Variants in FSCB observed in about 807,000 individuals in gnomAD.
The protein encoded by FSCB is fibrous sheath CABYR-binding protein.
For synonymous variants in FSCB, 331 were observed against 336.6 expected (o/e 0.98, Z 0.18); for missense variants, 975 against 934.8 (o/e 1.04, Z -0.56).
rs767430118 is a variant in FSCB, at chr14:44,506,744, T to C, written c.244A>G (p.Lys82Glu). ...SLQTDTIVEE[K>E]KEVKLVEETV... ...TCCTCAACTAACTTGACTTCTTTTT[T>C]CTCTTCTACAATGGTGTCTGTCTGG... Residue 82 changes from lysine to glutamate, a missense_variant, in exon 1 of 1, where the codon AAA (lysine) becomes GAA (glutamate). By Grantham distance (56) the Lys-to-Glu change is moderately conservative. Transcript: ENST00000340446. The C allele has an allele frequency of 8.7e-6, 14 of 1,614,174 alleles. No individual in the cohort carries two copies. In the South Asian group the frequency reaches 1.5e-4, roughly 18 times the overall value.
rs1192153217 is a variant in FSCB, at chr14:44,506,286, A to G, written c.702T>C (p.Leu234=). 4.3e-6 allele frequency: 7 copies of G among 1,614,120 alleles called. No homozygotes were observed. Among genetic ancestry groups the G allele is most frequent in the Non-Finnish European group, 5.9e-6 (7 of 1,179,984 alleles). ...KGPPVLLEDE[L]REEVTVPVVQ... is the part of the protein sequence containing the mutation. The stretch of plus-strand genomic sequence containing the variant: ...CAACAGGTACAGTTACTTCTTCCCT[A>G]AGCTCATCTTCTAAAAGTACCGGGG... Residue 234 remains leucine, a synonymous_variant, in exon 1 of 1, where the codon CTT becomes CTC. Transcript: ENST00000340446.
chr14:44,505,776 G>T lies in FSCB; in HGVS notation c.1212C>A (p.Ala404=). 4 of 1,613,834 alleles carry T rather than the reference G, an allele frequency of 2.5e-6. No individual in the cohort carries two copies. The highest frequency in any genetic ancestry group is 3.4e-6 in the Non-Finnish European group (4 of 1,179,950). ...IEVQPLPAEG[A]LEEAPAKVEP... Reference sequence around the variant, plus strand: ...CTACTTTAGCTGGGGCCTCTTCAAGGGCGCCCTCAGCTGGTAAAGGCTGTA... The same window carrying T: ...CTACTTTAGCTGGGGCCTCTTCAAGTGCGCCCTCAGCTGGTAAAGGCTGTA... The change falls in exon 1 of 1, where the codon GCC becomes GCA. Residue 404 remains alanine (A), a synonymous_variant. Coordinates refer to ENST00000340446, the MANE Select transcript of FSCB (RefSeq NM_032135.4).
In FSCB at chr14:44,506,480, G is replaced by C; in HGVS notation, c.508C>G (p.Pro170Ala). ...TTTGACTTTGTAGAAGAACTATCTG[G>C]CCTGGAAATAACCACTATTTCTGAT... is the stretch of plus-strand genomic sequence containing the variant. ...SESEIVVISR[P>A]DSSSTKSKED... Residue 170 changes from proline (P) to alanine (A), a missense_variant, in exon 1 of 1, where the codon CCA becomes GCA. Pro to Ala is a conservative substitution (Grantham distance 27). Coordinates refer to ENST00000340446, the MANE Select transcript of FSCB (RefSeq NM_032135.4). 6.2e-7 allele frequency: 1 copy of C among 1,614,132 alleles called. No homozygotes were observed. Among genetic ancestry groups the C allele is most frequent in the Non-Finnish European group, 8.5e-7 (1 of 1,180,030 alleles).
In FSCB at chr14:44,504,603, T is replaced by C; in HGVS notation, c.2385A>G (p.Lys795=). 6.2e-7 allele frequency: 1 copy of C among 1,614,196 alleles called. No individual in the cohort carries two copies. Among genetic ancestry groups the C allele is most frequent in the Non-Finnish European group, 8.5e-7 (1 of 1,180,004 alleles). ...GTCCATCATTGGTATTAGACAAATC[T>C]TTAAGGACAGAATTGATTTTTGAAA... The part of the protein sequence containing the change: ...EEVSKINSVL[K]DLSNTNDGQA... The change falls in exon 1 of 1, where the codon AAA becomes AAG. Residue 795 remains lysine (K), a synonymous_variant. Transcript: ENST00000340446.
rs1881075633 is a variant in FSCB, at chr14:44,506,111, C to G, written c.877G>C (p.Val293Leu). ...GGAGTCTCTTCAGTTGATGGCTGTA[C>G]TTGGACATGGGTCTCTTCAGCAGGT... ...PRPAEETHVQVQPSTEETPDA... is the reference protein window; with the variant it reads ...PRPAEETHVQLQPSTEETPDA... The change falls in exon 1 of 1, where the codon GTA (valine) becomes CTA (leucine). Residue 293 changes from valine to leucine, a missense_variant. Val to Leu is a conservative substitution (Grantham distance 32). Transcript: ENST00000340446. The G allele has an allele frequency of 6.2e-7, 1 of 1,614,150 alleles. No individual in the cohort carries two copies. Among genetic ancestry groups the G allele is most frequent in the South Asian group, 1.1e-5 (1 of 91,076 alleles).
In FSCB at chr14:44,504,949, G is replaced by A; in HGVS notation, c.2039C>T (p.Ala680Val). ...CTCAGCTGGTAGAGACTGAACTTCA[G>A]CAGGGGCCTCCTCAGCTGGTGGAGG... ...VQPPPAEEAP[A>V]EVQSLPAEET... is the part of the protein sequence containing the mutation. The change falls in exon 1 of 1, where the codon GCT becomes GTT. Residue 680 changes from alanine (A) to valine (V), a missense_variant. Transcript: ENST00000340446. The A allele has an allele frequency of 1.9e-6, 3 of 1,608,872 alleles. No individual in the cohort carries two copies. The highest frequency in any genetic ancestry group is 2.5e-6 in the Non-Finnish European group (3 of 1,179,862).
rs1188425619 is a variant in FSCB at position 44,505,099 on chromosome 14, G to C, written c.1889C>G (p.Ala630Gly). ...AEVQPPPAEE[A>G]PAEVQPPPAE... ...TGGTGGAGGCTGAACTTCAGCGGGG[G>C]CCTCCTCAGCTGGTGGAGGCTGAAC... Residue 630 changes from alanine to glycine, a missense_variant, in exon 1 of 1, where the codon GCC (alanine) becomes GGC (glycine). Coordinates refer to ENST00000340446, the MANE Select transcript of FSCB (RefSeq NM_032135.4). 1.6e-6 allele frequency: 1 copy of C among 628,544 alleles called. No homozygotes were observed. Among genetic ancestry groups the C allele is most frequent in the African/African-American group, 1.9e-5 (1 of 52,446 alleles). The allele number at this position is 628,544 out of a possible 1,614,324, so 38.9% of individuals were successfully genotyped here. A position where few individuals can be genotyped will look rare whatever the true frequency, so the allele number is the denominator to read the frequency against.
rs757975469 is a variant in FSCB at position 44,504,536 on chromosome 14, A to T, written c.2452T>A (p.Leu818Ile). 5.6e-6 allele frequency: 9 copies of T among 1,611,746 alleles called. No individual in the cohort carries two copies. The highest frequency in any genetic ancestry group is 5.9e-6 in the Non-Finnish European group (7 of 1,178,908). ...LEIESVFHIE[L>I]KQRPPEL ...TACAGTTCAGGAGGACGTTGTTTTA[A>T]TTCTATATGAAAAACACTTTCTATT... The change falls in exon 1 of 1, where the codon TTA (leucine) becomes ATA (isoleucine). Residue 818 changes from leucine to isoleucine, a missense_variant. Transcript: ENST00000340446.
At position 44,505,501 on chromosome 14, in the gene FSCB, G is replaced by T; in HGVS notation, c.1487C>A (p.Ser496Tyr). 1.9e-6 allele frequency: 3 copies of T among 1,612,308 alleles called. No individual in the cohort carries two copies. Among genetic ancestry groups the T allele is most frequent in the Non-Finnish European group, 2.5e-6 (3 of 1,179,982 alleles). ...AGCCTCTTCTGCAGAAGTCTCCTCAGATAGTGGAGACCGAGCTTCGGCAGG... is the reference window on the plus strand; with the variant it reads ...AGCCTCTTCTGCAGAAGTCTCCTCATATAGTGGAGACCGAGCTTCGGCAGG... ...ETPAEARSPL[S>Y]EETSAEEAHA... is the part of the protein sequence containing the mutation. Residue 496 changes from serine to tyrosine, a missense_variant, in exon 1 of 1, where the codon TCT becomes TAT. Physicochemically the swap from Ser to Tyr is moderately radical, Grantham distance 144. Coordinates refer to ENST00000340446, the MANE Select transcript of FSCB (RefSeq NM_032135.4).
chr14:44,504,602 C>A lies in FSCB; in HGVS notation c.2386G>T (p.Asp796Tyr), dbSNP rs75354082. Residue 796 changes from aspartate to tyrosine, a missense_variant, in exon 1 of 1, where the codon GAT (aspartate) becomes TAT (tyrosine). Physicochemically the swap from Asp to Tyr is radical, Grantham distance 160. Coordinates refer to ENST00000340446, the MANE Select transcript of FSCB (RefSeq NM_032135.4). ...EVSKINSVLK[D>Y]LSNTNDGQAP... is the part of the protein sequence containing the mutation. ...TGTCCATCATTGGTATTAGACAAAT[C>A]TTTAAGGACAGAATTGATTTTTGAA... is the stretch of plus-strand genomic sequence containing the variant. 31 of 1,614,146 alleles carry A rather than the reference C, an allele frequency of 1.9e-5. 1 individual carries two copies. The South Asian group carries it at 3.4e-4, about 18-fold the overall frequency.
In FSCB at chr14:44,504,598, A is replaced by C. The variant is rs868226172; in HGVS notation, c.2390T>G (p.Leu797Trp). Residue 797 changes from leucine (L) to tryptophan (W), a missense_variant, in exon 1 of 1, where the codon TTG becomes TGG. Physicochemically the swap from Leu to Trp is moderately conservative, Grantham distance 61. Coordinates refer to ENST00000340446, the MANE Select transcript of FSCB (RefSeq NM_032135.4). The part of the protein sequence containing the change: ...VSKINSVLKD[L>W]SNTNDGQAPT... ...AGCCTGTCCATCATTGGTATTAGACAAATCTTTAAGGACAGAATTGATTTT... is the reference window on the plus strand; with the variant it reads ...AGCCTGTCCATCATTGGTATTAGACCAATCTTTAAGGACAGAATTGATTTT... The C allele has an allele frequency of 1.2e-5, 20 of 1,614,050 alleles. No individual in the cohort carries two copies. The highest frequency in any genetic ancestry group is 1.7e-5 in the Non-Finnish European group (20 of 1,180,010).
chr14:44,505,711 G>T lies in FSCB; in HGVS notation c.1277C>A (p.Pro426His). 4 of 1,613,590 alleles carry T rather than the reference G, an allele frequency of 2.5e-6. No individual in the cohort carries two copies. The highest frequency in any genetic ancestry group is 3.4e-6 in the Non-Finnish European group (4 of 1,179,930). The change falls in exon 1 of 1, where the codon CCT (proline) becomes CAT (histidine). Residue 426 changes from proline (P) to histidine (H), a missense_variant. Coordinates refer to ENST00000340446, the MANE Select transcript of FSCB (RefSeq NM_032135.4). ...TCTAGGAGCCTCTTCAGGTAATAGA[G>T]GCTGAACATCAGCAAGGGTCTCTTC... The part of the protein sequence containing the change: ...TVEETLADVQ[P>H]LLPEEAPREE...
Position 44,505,425 on chromosome 14 carries a change from G to A in FSCB, c.1563C>T (p.Ala521=), listed in dbSNP as rs1237801187. 6.2e-7 allele frequency: 1 copy of A among 1,612,304 alleles called. No individual in the cohort carries two copies. The highest frequency in any genetic ancestry group is 8.5e-7 in the Non-Finnish European group (1 of 1,179,964). Residue 521 remains alanine (A), a synonymous_variant, in exon 1 of 1, where the codon GCC becomes GCT. Coordinates refer to ENST00000340446, the MANE Select transcript of FSCB (RefSeq NM_032135.4). ...PLAEETTAEE[A]SAEIQLLAAI... ...CTGCTAGAAGCTGAATTTCAGCAGA[G>A]GCCTCTTCTGCAGTGGTCTCTTCAG...
In FSCB at chr14:44,505,404, T is replaced by C. The variant is rs1881046836; in HGVS notation, c.1584A>G (p.Leu528=). 2 of 1,612,524 alleles carry C rather than the reference T, an allele frequency of 1.2e-6. No individual in the cohort carries two copies. Among genetic ancestry groups the C allele is most frequent in the Non-Finnish European group, 1.7e-6 (2 of 1,179,978 alleles). ...CATCTGCAGGAGCCTCTATAGCTGC[T>C]AGAAGCTGAATTTCAGCAGAGGCCT... The part of the protein sequence containing the change: ...AEEASAEIQL[L]AAIEAPADET... The change falls in exon 1 of 1, where the codon CTA becomes CTG. Residue 528 remains leucine, a synonymous_variant. Transcript: ENST00000340446.
Position 44,506,348 on chromosome 14 carries a change from T to C in FSCB, c.640A>G (p.Ser214Gly). The change falls in exon 1 of 1, where the codon AGC becomes GGC. Residue 214 changes from serine (S) to glycine (G), a missense_variant. Physicochemically the swap from Ser to Gly is moderately conservative, Grantham distance 56 (BLOSUM62 0). Transcript: ENST00000340446. The part of the protein sequence containing the change: ...SNEEIGQKNI[S>G]RTSFTQETKK... ...GTCTCCTGAGTAAATGAAGTTCTGC[T>C]GATATTTTTCTGCCCAATTTCTTCA... 6.2e-7 allele frequency: 1 copy of C among 1,614,230 alleles called. No homozygotes were observed. Among genetic ancestry groups the C allele is most frequent in the Non-Finnish European group, 8.5e-7 (1 of 1,180,052 alleles).
In FSCB at chr14:44,506,587, G is replaced by T; in HGVS notation, c.401C>A (p.Thr134Asn). 2 of 1,614,112 alleles carry T rather than the reference G, an allele frequency of 1.2e-6. No homozygotes were observed. Among genetic ancestry groups the T allele is most frequent in the Non-Finnish European group, 1.7e-6 (2 of 1,180,038 alleles). ...VQLKMDRSQQTSRTGYWTMMN... is the reference protein window; with the variant it reads ...VQLKMDRSQQNSRTGYWTMMN... The stretch of plus-strand genomic sequence containing the variant: ...CATGGTCCAGTATCCTGTACGGCTG[G>T]TCTGCTGAGATCTGTCCATTTTTAG... The change falls in exon 1 of 1, where the codon ACC (threonine) becomes AAC (asparagine). Residue 134 changes from threonine (T) to asparagine (N), a missense_variant. Physicochemically the swap from Thr to Asn is moderately conservative, Grantham distance 65. Coordinates refer to ENST00000340446, the MANE Select transcript of FSCB (RefSeq NM_032135.4).
At position 44,504,808 on chromosome 14, in the gene FSCB, T is replaced by G. The variant is rs748127864; in HGVS notation, c.2180A>C (p.Glu727Ala). 1.9e-6 allele frequency: 3 copies of G among 1,614,066 alleles called. No individual in the cohort carries two copies. In the African/African-American group the frequency reaches 4.0e-5, roughly 22 times the overall value. Reference sequence around the variant, plus strand: ...AGAGGCCTCTCCTATAGGAAACTCCTCAGTCAGAAGCAAATCAGCTGGTGG... The same window carrying G: ...AGAGGCCTCTCCTATAGGAAACTCCGCAGTCAGAAGCAAATCAGCTGGTGG... ...HSPPADLLLT[E>A]EFPIGEASAE... Residue 727 changes from glutamate (E) to alanine (A), a missense_variant, in exon 1 of 1, where the codon GAG (glutamate) becomes GCG (alanine). Physicochemically the swap from Glu to Ala is moderately radical, Grantham distance 107 (BLOSUM62 -1). Coordinates refer to ENST00000340446, the MANE Select transcript of FSCB (RefSeq NM_032135.4).
chr14:44,506,244 A>G lies in FSCB; in HGVS notation c.744T>C (p.Ala248=). The change falls in exon 1 of 1, where the codon GCT becomes GCC. Residue 248 remains alanine, a synonymous_variant. Transcript: ENST00000340446. ...TTTCAGCAGAAGCCACTTTTTTAAC[A>G]GCAGAACCTTCTTGTACAACAGGTA... is the stretch of plus-strand genomic sequence containing the variant. The part of the protein sequence containing the change: ...VTVPVVQEGS[A]VKKVASAEIE... 1 of 1,614,180 alleles carries G rather than the reference A, an allele frequency of 6.2e-7. No individual in the cohort carries two copies. The highest frequency in any genetic ancestry group is 1.1e-5 in the South Asian group (1 of 91,084).
rs112774375 is a variant in FSCB at position 44,505,187 on chromosome 14, C to G, written c.1801G>C (p.Ala601Pro). The stretch of plus-strand genomic sequence containing the variant: ...TCAGCAGGAGCCTCTTCTGCAGAAG[C>G]CTCTGTAGCTGCTAGAAGCTGAATT... ...AAIQLLAATEASAEEAPAEVQ... is the reference protein window; with the variant it reads ...AAIQLLAATEPSAEEAPAEVQ... Residue 601 changes from alanine (A) to proline (P), a missense_variant, in exon 1 of 1, where the codon GCT (alanine) becomes CCT (proline). Coordinates refer to ENST00000340446, the MANE Select transcript of FSCB (RefSeq NM_032135.4). 4 of 1,611,618 alleles carry G rather than the reference C, an allele frequency of 2.5e-6. No individual in the cohort carries two copies. Among genetic ancestry groups the G allele is most frequent in the Non-Finnish European group, 2.5e-6 (3 of 1,179,718 alleles).
Sources: gnomAD v4.1 joint callset for allele counts on GRCh38, gnomAD v4.1.1 for gene constraint, MANE v1.5 for transcripts, NCBI Gene and HGNC (gene_info 2026-07-23, HGNC 2026-07-21) for gene names.